MED31: variants seen among roughly 807,000 people sequenced by gnomAD.
MED31 encodes the protein mediator complex subunit 31.
A neutral mutation model predicts 22.0 loss-of-function variants in MED31; 11 were observed. The ratio of observed to expected loss-of-function variants is 0.50; its 90% CI spans 0.31 to 0.83. MED31 has a LOEUF of 0.83. Ranked by LOEUF, MED31 falls within the 40% of genes least tolerant of loss-of-function variation. The pLI is 0.04. For synonymous variants in MED31, 60 were observed against 55.1 expected, an observed-to-expected ratio of 1.09 and a Z score of -0.40; for missense variants, 122 against 155.3, an observed-to-expected ratio of 0.79 and a Z score of 1.14.
At chr17:6,649,825 G>A (rs1972809588) in intron 3 of MED31, 157 bp downstream of exon 3, 4 of 682,038 alleles carry the variant, frequency 5.9e-6, no homozygotes, top group Non-Finnish European at 8.8e-6. Flanking sequence ...GTAGATTACT[G>A]CAGTGTTACA....
intron 3 of MED31, among the ~76,000 whole-genome samples, chr17:6,646,353 G>C (rs1221289214): frequency 2.6e-5 from 4 of 152,190 alleles, no homozygotes; most frequent in African/African-American, 9.7e-5. Context: ...AAAGCTAACA[G>C]ACAATTAAAA....
chr17:6,650,118 A>G, intron 2 of MED31, 40 bp from the exon 3 acceptor site: 1 of 1,536,486 alleles, frequency 6.5e-7, no homozygotes, highest in South Asian at 1.2e-5. Flanking sequence ...GGTCAAACCA[A>G]TCCTTAAACT....
At chr17:6,649,613 CTTTAGT>C (rs1972806680) in intron 3 of MED31, among the ~76,000 whole-genome samples, 1 of 152,154 alleles carries the variant, frequency 6.6e-6, no homozygotes, top group South Asian at 2.1e-4. Context: ...TCGTATAAGG[CTTTAGT>C]CCAAGAAAAA....
intron 1 of MED31, among the ~76,000 whole-genome samples, chr17:6,651,139 A>G (rs944932348): frequency 1.3e-5 from 2 of 150,014 alleles, no homozygotes; most frequent in African/African-American, 2.5e-5. Flanking sequence ...AAAAAAAAAG[A>G]AGCACCAGTA....
chr17:6,648,448 G>C (rs546112761), intron 3 of MED31, among the ~76,000 whole-genome samples: 2 of 152,222 alleles, frequency 1.3e-5, no homozygotes, highest in Admixed American at 6.5e-5. Context: ...GCAGCTAGTA[G>C]TGACAGCTGC....
intron 3 of MED31, among the ~76,000 whole-genome samples, chr17:6,645,410 G>A (rs7214691): frequency 0.35 from 53,507 of 152,048 alleles, 10,238 homozygotes; most frequent in Non-Finnish European, 0.43. Flanking sequence ...TGACACTGTG[G>A]TACTAATGAA....
Position 6,644,518 on chromosome 17 carries a change from A to C in MED31, c.345T>G (p.Leu115=). Reference sequence around the variant, plus strand: ...GTTGCTGCTCTGCCAAGGCTTGCTGAAGGCGCATCCGCTTCCGGGAATAGT... The same window carrying C: ...GTTGCTGCTCTGCCAAGGCTTGCTGCAGGCGCATCCGCTTCCGGGAATAGT... ...WQHYSRKRMR[L]QQALAEQQQQ... is the part of the protein sequence containing the mutation. Residue 115 remains leucine, a synonymous_variant, in exon 4 of 4, where the codon CTT becomes CTG. Transcript: ENST00000225728. 1 of 1,610,374 alleles carries C rather than the reference A, an allele frequency of 6.2e-7. No homozygotes were observed. The highest frequency in any genetic ancestry group is 8.5e-7 in the Non-Finnish European group (1 of 1,179,080).
At chr17:6,646,127 G>A (rs1011120495) in intron 3 of MED31, among the ~76,000 whole-genome samples, 24 of 152,132 alleles carry the variant, frequency 1.6e-4, no homozygotes, top group African/African-American at 4.3e-4. Context: ...CAACATACGG[G>A]CCTAGACTGG....
chr17:6,646,593 A>G (rs1220438746), intron 3 of MED31, among the ~76,000 whole-genome samples: 1 of 152,218 alleles, frequency 6.6e-6, no homozygotes, highest in Non-Finnish European at 1.5e-5. Context: ...CTTGTTAACA[A>G]TATGTTTGCA....
At position 6,645,983 on chromosome 17, in the gene MED31, C is replaced by T. The variant is rs545642339; in HGVS notation, c.204-1324G>A. On this transcript the variant is annotated intron_variant, in intron 3 of 3. Transcript: ENST00000225728. Reference sequence around the variant, plus strand: ...CCCTCAACCAAGTTACCAAAATTTACGTCACCAGTAGTGGGACAAATAGAC... The same window carrying T: ...CCCTCAACCAAGTTACCAAAATTTATGTCACCAGTAGTGGGACAAATAGAC... Among the ~76,000 whole-genome samples the T allele has an allele frequency of 8.5e-5, 13 of 152,298 alleles. No individual in the cohort carries two copies. In the South Asian group the frequency reaches 1.7e-3, roughly 19 times the overall value.
At position 6,650,211 on chromosome 17, in the gene MED31, C is replaced by T; in HGVS notation, c.107-133G>A. 8 of 1,225,920 alleles carry T rather than the reference C, an allele frequency of 6.5e-6. No homozygotes were observed. In the South Asian group the frequency reaches 1.1e-4, roughly 17 times the overall value. 75.9% of individuals were successfully genotyped at this position (1,225,920 alleles called of 1,614,324 possible). On this transcript the variant is annotated intron_variant, in intron 2 of 3. Coordinates refer to ENST00000225728, the MANE Select transcript of MED31 (RefSeq NM_016060.3). ...CACATTGGATTCAAAACACAAGTCCCAGTACGCAATTATATCTATATACCA... is the reference window on the plus strand; with the variant it reads ...CACATTGGATTCAAAACACAAGTCCTAGTACGCAATTATATCTATATACCA...
At position 6,645,750 on chromosome 17, in the gene MED31, G is replaced by A. The variant is rs1429757953; in HGVS notation, c.204-1091C>T. 2.0e-5 allele frequency among the ~76,000 whole-genome samples: 3 copies of A among 151,930 alleles called. No homozygotes were observed. In the South Asian group the frequency reaches 6.3e-4, roughly 32 times the overall value. On this transcript the variant is annotated intron_variant, in intron 3 of 3. Coordinates refer to ENST00000225728, the MANE Select transcript of MED31 (RefSeq NM_016060.3). ...CAAGGGAATATAATTCCTTACAATC[G>A]AATTCCAAACTAATAAATGCAGAAT...
At position 6,646,666 on chromosome 17, in the gene MED31, A is replaced by G. The variant is rs185155658; in HGVS notation, c.204-2007T>C. On this transcript the variant is annotated intron_variant, in intron 3 of 3. Coordinates refer to ENST00000225728, the MANE Select transcript of MED31 (RefSeq NM_016060.3). ...TCTCGATTAACCAGAGACACAATGC[A>G]CTGCGGAAGGCCGCAGGGACCCCTG... is the stretch of plus-strand genomic sequence containing the variant. Among the ~76,000 whole-genome samples the G allele has an allele frequency of 2.0e-5, 3 of 152,350 alleles. No homozygotes were observed. The East Asian group carries it at 5.8e-4, about 29-fold the overall frequency.
At chr17:6,645,009 TGATA>T (rs1447121455) in intron 3 of MED31, among the ~76,000 whole-genome samples, 1 of 152,246 alleles carries the variant, frequency 6.6e-6, no homozygotes, top group Non-Finnish European at 1.5e-5. Flanking sequence ...TGTGTTTAAT[TGATA>T]GTTACTCATT....
rs1972723161 is a variant in MED31 at position 6,643,530 on chromosome 17, CTG to C, written c.*935_*936del. On this transcript the variant is annotated 3_prime_UTR_variant, in exon 4 of 4. Coordinates refer to ENST00000225728, the MANE Select transcript of MED31 (RefSeq NM_016060.3). ...GCACTAGAAGCAGTTTGTTTTGCAG[CTG>C]TCTCAATGTGCTTTACTTGGGATGA... is the stretch of plus-strand genomic sequence containing the variant. 1 of 153,008 alleles carries C rather than the reference CTG, an allele frequency of 6.5e-6. No individual in the cohort carries two copies. Among genetic ancestry groups the C allele is most frequent in the Non-Finnish European group, 1.5e-5 (1 of 68,652 alleles). The allele number at this position is 153,008 out of a possible 1,614,324, so 9.5% of individuals were successfully genotyped here.
chr17:6,645,587 T>G (rs546363573), intron 3 of MED31, among the ~76,000 whole-genome samples: 1 of 152,306 alleles, frequency 6.6e-6, no homozygotes, highest in East Asian at 1.9e-4. Flanking sequence ...GGAGCCAACT[T>G]GAAGGGCCTC....
intron 3 of MED31, among the ~76,000 whole-genome samples, chr17:6,645,832 A>G (rs1278578179): frequency 6.6e-6 from 1 of 152,240 alleles, no homozygotes; most frequent in Non-Finnish European, 1.5e-5. Flanking sequence ...TCTTCAAAAG[A>G]TGCTAAAACA....
At chr17:6,651,388 C>T in intron 1 of MED31, 113 bp downstream of exon 1, 1 of 1,380,560 alleles carries the variant, frequency 7.2e-7, no homozygotes, top group Non-Finnish European at 1.0e-6. Flanking sequence ...TCTCTCCTCT[C>T]TGTCCAAATA....
intron 1 of MED31, among the ~76,000 whole-genome samples, chr17:6,651,134 A>AAAAAAAAAC (rs1266489995): frequency 1.3e-5 from 2 of 149,536 alleles, no homozygotes. Context: ...AAAAAAAAAA[A>AAAAAAAAAC]AAAGAAGCAC....
Sources: gnomAD v4.1 joint callset for allele counts (sites outside exome capture counted in the v4.1 genomes callset) on GRCh38, gnomAD v4.1.1 for gene constraint, MANE v1.5 for transcripts, NCBI Gene and HGNC (gene_info 2026-07-23, HGNC 2026-07-21) for gene names.